The following CNKSR3 variants were observed in gnomAD, a reference collection of about 807,000 sequenced individuals.
CNKSR3 encodes the protein connector enhancer of kinase suppressor of ras 3.
In CNKSR3, 36 loss-of-function variants were observed where a neutral mutation model predicts 67.7. The observed-to-expected ratio is 0.53, with a 90% CI of 0.41 to 0.70. The LOEUF (loss-of-function observed/expected upper bound fraction) is 0.70. Among genes scored for constraint, CNKSR3 ranks in the 30% least tolerant of loss-of-function variants. The pLI is 0.00. For missense variants in CNKSR3, 630 were observed against 695.2 expected, an observed-to-expected ratio of 0.91 and a Z score of 1.05; for synonymous variants, 281 against 271.4, an observed-to-expected ratio of 1.04 and a Z score of -0.35.
intron 1 of CNKSR3, among the ~76,000 whole-genome samples, chr6:154,484,434 A>G (rs953604490): frequency 2.6e-5 from 4 of 152,320 alleles, no homozygotes; most frequent in Admixed American, 1.3e-4. Flanking sequence ...GGCCGGGCAC[A>G]GTGGCTCACG....
At chr6:154,505,285 T>C (rs1787074775) in intron 1 of CNKSR3, among the ~76,000 whole-genome samples, 1 of 108,064 alleles carries the variant, frequency 9.3e-6, no homozygotes, top group Admixed American at 8.0e-5. Context: ...TTAAGACTGC[T>C]ATGTGTCATA....
In CNKSR3 at chr6:154,441,751, CAA is replaced by C. The variant is rs377116331; in HGVS notation, c.419+335_419+336del. On this transcript the variant is annotated intron_variant, in intron 3 of 12. Coordinates refer to ENST00000607772, the MANE Select transcript of CNKSR3 (RefSeq NM_173515.4). ...GAGAAGGAATAGATTAAAAACAAAA[CAA>C]AACAAAAATTGACAGTTAACATCCC... 2.0e-4 allele frequency among the ~76,000 whole-genome samples: 30 copies of C among 149,284 alleles called. 1 individual carries two copies. The South Asian group carries it at 5.0e-3, about 25-fold the overall frequency.
chr6:154,464,728 GAAAAAGA>G (rs1665601942), intron 1 of CNKSR3, among the ~76,000 whole-genome samples: 1 of 150,160 alleles, frequency 6.7e-6, no homozygotes, highest in Non-Finnish European at 1.5e-5. Context: ...AAAAAAAAAG[GAAAAAGA>G]AAAAAGAAAA....
rs537701252 is a variant in CNKSR3, at chr6:154,434,702, A to T, written c.508-1195T>A. 2.2e-3 allele frequency among the ~76,000 whole-genome samples: 340 copies of T among 152,198 alleles called. 1 individual carries two copies. The highest frequency in any genetic ancestry group is 7.9e-3 in the African/African-American group (327 of 41,532). On this transcript the variant is annotated intron_variant, in intron 4 of 12. Coordinates refer to ENST00000607772, the MANE Select transcript of CNKSR3 (RefSeq NM_173515.4). ...AGAGCAGCCTAGAGAGAAAAGACTTAAAAAAAATAAATTTAGAAATGTATT... is the reference window on the plus strand; with the variant it reads ...AGAGCAGCCTAGAGAGAAAAGACTTTAAAAAAATAAATTTAGAAATGTATT...
In CNKSR3 at chr6:154,400,517, G is replaced by GT. The variant is rs1784705311; in HGVS notation, c.*5836dup. The GT allele has an allele frequency of 6.6e-6, 1 of 152,230 alleles. No homozygotes were observed. The highest frequency in any genetic ancestry group is 2.1e-4 in the South Asian group (1 of 4,834). 9.4% of individuals were successfully genotyped at this position (152,230 alleles called of 1,614,324 possible). The stretch of plus-strand genomic sequence containing the variant: ...GCCCAAAGGTTCTGAAAAACTGTGT[G>GT]TGACAGTCTCCTGGCTGTGTAGCAT... On this transcript the variant is annotated 3_prime_UTR_variant, in exon 13 of 13. Transcript: ENST00000607772.
intron 6 of CNKSR3, among the ~76,000 whole-genome samples, chr6:154,429,890 A>T (rs931647423): frequency 2.0e-5 from 3 of 152,190 alleles, no homozygotes; most frequent in Non-Finnish European, 4.4e-5. Context: ...GTCCCTCAAG[A>T]GCCGGGATTT....
chr6:154,455,646 T>C (rs532966627), intron 1 of CNKSR3, among the ~76,000 whole-genome samples: 2 of 152,242 alleles, frequency 1.3e-5, no homozygotes, highest in South Asian at 2.1e-4. Context: ...GGTCTCGAAC[T>C]CCTGACCTCA....
intron 10 of CNKSR3, among the ~76,000 whole-genome samples, chr6:154,412,575 C>T (rs1784932159): frequency 6.6e-6 from 1 of 152,158 alleles, no homozygotes; most frequent in African/African-American, 2.4e-5. Context: ...CTACCTGTAA[C>T]TTTAAACACA....
In CNKSR3 at chr6:154,388,071, T is replaced by C. The variant is rs909289511; in HGVS notation, c.*18283A>G. The C allele has an allele frequency of 2.6e-5, 4 of 152,118 alleles. No homozygotes were observed. The highest frequency in any genetic ancestry group is 5.9e-5 in the Non-Finnish European group (4 of 68,022). 9.4% of individuals were successfully genotyped at this position (152,118 alleles called of 1,614,324 possible). ...TCTTAACAAATTGTTCAGTGTACAC[T>C]GCAGTATTGTTGACTATAGGTGCAA... On this transcript the variant is annotated 3_prime_UTR_variant, in exon 13 of 13. Coordinates refer to ENST00000607772, the MANE Select transcript of CNKSR3 (RefSeq NM_173515.4).
intron 3 of CNKSR3, 49 bp from the exon 4 acceptor site, chr6:154,441,428 G>A: frequency 7.4e-7 from 1 of 1,353,128 alleles, no homozygotes; most frequent in South Asian, 1.2e-5. Flanking sequence ...AGAATCCACG[G>A]GGATCCCACT....
rs1178340151 is a variant in CNKSR3 at position 154,411,072 on chromosome 6, A to T, written c.1141T>A (p.Ser381Thr). 1.2e-6 allele frequency: 2 copies of T among 1,614,092 alleles called. No individual in the cohort carries two copies. Among genetic ancestry groups the T allele is most frequent in the Non-Finnish European group, 1.7e-6 (2 of 1,179,976 alleles). ...CKQPLPGPKG[S>T]ESPNSFLDQE... Reference sequence around the variant, plus strand: ...TCCAAGAAGGAATTCGGGGACTCTGAACCCTTAGGACCAGGCAATGGTTGT... The same window carrying T: ...TCCAAGAAGGAATTCGGGGACTCTGTACCCTTAGGACCAGGCAATGGTTGT... Residue 381 changes from serine (S) to threonine (T), a missense_variant, in exon 11 of 13, where the codon TCA becomes ACA. Around this residue, in one of 3 missense-constraint regions of CNKSR3, gnomAD observed 308 missense variants for 299.6 expected, o/e 1.03. Transcript: ENST00000607772.
At chr6:154,433,606 G>T in intron 4 of CNKSR3, 99 bp from the exon 5 acceptor site, 1 of 854,230 alleles carries the variant, frequency 1.2e-6, no homozygotes, top group Non-Finnish European at 1.9e-6. Context: ...AGCTCAAGAC[G>T]GTCCCTGACA....
intron 1 of CNKSR3, among the ~76,000 whole-genome samples, chr6:154,503,445 A>T (rs371165976): frequency 4.6e-5 from 7 of 152,078 alleles, no homozygotes; most frequent in Middle Eastern, 3.4e-3. Flanking sequence ...GGGCAATACC[A>T]CAAGACCCAT....
rs141102371 is a variant in CNKSR3, at chr6:154,399,259, T to G, written c.*7095A>C. The G allele has an allele frequency of 6.6e-6, 1 of 152,318 alleles. No homozygotes were observed. The highest frequency in any genetic ancestry group is 1.9e-4 in the East Asian group (1 of 5,194). The allele number at this position is 152,318 out of a possible 1,614,324, so 9.4% of individuals were successfully genotyped here. The stretch of plus-strand genomic sequence containing the variant: ...ATTTTGCTGCTTATGGACAAAAGAA[T>G]GAGCAATTTCCTGTTGGCCAGCTCT... On this transcript the variant is annotated 3_prime_UTR_variant, in exon 13 of 13. Coordinates refer to ENST00000607772, the MANE Select transcript of CNKSR3 (RefSeq NM_173515.4).
chr6:154,469,549 C>G (rs567244349), intron 1 of CNKSR3, among the ~76,000 whole-genome samples: 1 of 152,190 alleles, frequency 6.6e-6, no homozygotes, highest in Non-Finnish European at 1.5e-5. Flanking sequence ...TGACACCAGT[C>G]CCATTCCATT....
chr6:154,407,090 T>C (rs963735258), intron 12 of CNKSR3, among the ~76,000 whole-genome samples: 2 of 152,086 alleles, frequency 1.3e-5, no homozygotes, highest in Admixed American at 1.3e-4. Flanking sequence ...GGCCACAAGG[T>C]CCCACCTGTG....
In CNKSR3 at chr6:154,442,187, G is replaced by A; in HGVS notation, c.320C>T (p.Ala107Val). The change falls in exon 3 of 13, where the codon GCT becomes GTT. Residue 107 changes from alanine to valine, a missense_variant. Physicochemically the swap from Ala to Val is moderately conservative, Grantham distance 64. This residue lies in a region of CNKSR3 where 189 missense variants were observed against 205.0 expected (regional missense o/e 0.92). Transcript: ENST00000607772. ...NYISSRRKSP[A>V]YDGNTSRKAP... The stretch of plus-strand genomic sequence containing the variant: ...CTTGCGGGAGGTGTTGCCATCGTAA[G>A]CGGGACTTTTCCGTCGGCTACTTAT... The A allele has an allele frequency of 6.2e-7, 1 of 1,614,214 alleles. No individual in the cohort carries two copies. The highest frequency in any genetic ancestry group is 2.2e-5 in the East Asian group (1 of 44,892).
At chr6:154,497,011 A>G (rs1277498115) in intron 1 of CNKSR3, among the ~76,000 whole-genome samples, 1 of 152,128 alleles carries the variant, frequency 6.6e-6, no homozygotes, top group African/African-American at 2.4e-5. Context: ...AAAGCACCCG[A>G]TATCAAATAA....
In CNKSR3 at chr6:154,430,708, T is replaced by C. The variant is rs554597821; in HGVS notation, c.550-117A>G. On this transcript the variant is annotated intron_variant, in intron 5 of 12. Coordinates refer to ENST00000607772, the MANE Select transcript of CNKSR3 (RefSeq NM_173515.4). The stretch of plus-strand genomic sequence containing the variant: ...TTGTTAGTTCTGGTTGGCAATCATT[T>C]TGATAATTCTGCTCAGTGAATGCAT... 2.3e-4 allele frequency: 223 copies of C among 972,812 alleles called. 1 individual carries two copies. The East Asian group carries it at 4.9e-3, about 21-fold the overall frequency. The allele number at this position is 972,812 out of a possible 1,614,324, so 60.3% of individuals were successfully genotyped here.
Sources: gnomAD v4.1 joint callset for allele counts (sites outside exome capture counted in the v4.1 genomes callset) on GRCh38, gnomAD v4.1.1 for gene constraint, gnomAD v4.1.1 regional missense constraint, MANE v1.5 for transcripts, NCBI Gene and HGNC (gene_info 2026-07-23, HGNC 2026-07-21) for gene names.